ADAMTSL1: variants seen among roughly 807,000 people sequenced by gnomAD.
ADAMTSL1 encodes the protein ADAMTS like 1.
Under a neutral mutation model 201.8 loss-of-function variants are expected in ADAMTSL1, and 126 were observed. The observed-to-expected ratio is 0.62, with a 90% CI of 0.54 to 0.72. ADAMTSL1 has a LOEUF of 0.72. Ranked by LOEUF, ADAMTSL1 falls within the 30% of genes least tolerant of loss-of-function variation. The probability of loss-of-function intolerance (pLI) is 0.00; values close to 1 mark genes in which losing one functional copy is unlikely to be tolerated. For synonymous variants in ADAMTSL1, 1,121 were observed against 903.4 expected (o/e 1.24, Z -4.32); for missense variants, 2,679 against 2,277.8 (o/e 1.18, Z -3.59).
In ADAMTSL1 at chr9:18,677,712, G is replaced by A. The variant is rs78950815; in HGVS notation, c.1136+1805G>A. ...TTTCTCCAAATGCCTAAATCCCAAT[G>A]GTATATTAAAACGATCCTCCTGGGT... On this transcript the variant is annotated intron_variant, in intron 10 of 28. Transcript: ENST00000380548. 4.5e-3 allele frequency among the ~76,000 whole-genome samples: 680 copies of A among 152,008 alleles called. 7 individuals carry two copies. Among genetic ancestry groups the A allele is most frequent in the African/African-American group, 0.015 (631 of 41,490 alleles).
rs540376002 is a variant in ADAMTSL1, at chr9:18,491,098, C to T, written c.64-13731C>T. ...TAGCTCAAAGAATGCTGATAGCAGC[C>T]GTGTGTGAAATTGATTTCTGAGGCC... On this transcript the variant is annotated intron_variant, in intron 1 of 28. Transcript: ENST00000380548. Among the ~76,000 whole-genome samples, 97 of 152,112 alleles carry T rather than the reference C, an allele frequency of 6.4e-4. 2 individuals carry two copies. The Middle Eastern group carries it at 0.014, about 21-fold the overall frequency.
At chr9:18,449,705 A>G (rs1331189480) in intron 2 of ADAMTSL1, among the ~76,000 whole-genome samples, 1 of 152,232 alleles carries the variant, frequency 6.6e-6, no homozygotes, top group African/African-American at 2.4e-5. Flanking sequence ...CCCAATAAAA[A>G]TTAGACAGAA....
At chr9:18,762,145 T>C (rs1273187709) in intron 16 of ADAMTSL1, among the ~76,000 whole-genome samples, 1 of 152,196 alleles carries the variant, frequency 6.6e-6, no homozygotes, top group Non-Finnish European at 1.5e-5. Flanking sequence ...CTCTGGGGAA[T>C]ATAAAGATGA....
intron 23 of ADAMTSL1, among the ~76,000 whole-genome samples, chr9:18,834,532 A>G (rs1825193011): frequency 6.6e-6 from 1 of 152,164 alleles, no homozygotes. Context: ...TGATATATGT[A>G]TACACCTGTG....
At chr9:18,179,185 G>A (rs1828329328) in intron 2 of ADAMTSL1, among the ~76,000 whole-genome samples, 1 of 152,110 alleles carries the variant, frequency 6.6e-6, no homozygotes, top group Admixed American at 6.5e-5. Flanking sequence ...GCTTAAAGGA[G>A]CTGATGGAGC....
Position 18,391,170 on chromosome 9 carries a change from C to A in ADAMTSL1, c.208-113659C>A, listed in dbSNP as rs533408136. Among the ~76,000 whole-genome samples, 3 of 152,236 alleles carry A rather than the reference C, an allele frequency of 2.0e-5. No individual in the cohort carries two copies. In the South Asian group the frequency reaches 6.2e-4, roughly 32 times the overall value. ...CATTTATTTTGTTGGACCTAAAACA[C>A]TGGGGACACTTTTGATACCTAGACG... On this transcript the variant is annotated intron_variant, in intron 2 of 29. Transcript: ENST00000680146.
At chr9:18,402,502 T>A (rs1032807766) in intron 2 of ADAMTSL1, among the ~76,000 whole-genome samples, 6 of 152,166 alleles carry the variant, frequency 3.9e-5, no homozygotes, top group Admixed American at 3.3e-4. Context: ...TTCCTCTAAG[T>A]CTCTAATCTC....
chr9:18,270,483 C>G (rs987362373), intron 2 of ADAMTSL1, among the ~76,000 whole-genome samples: 2 of 152,134 alleles, frequency 1.3e-5, no homozygotes, highest in African/African-American at 4.8e-5. Context: ...TGCTGAGAAG[C>G]TGAATCTTTG....
chr9:18,790,232 T>C (rs924152963), intron 19 of ADAMTSL1, among the ~76,000 whole-genome samples: 13 of 152,340 alleles, frequency 8.5e-5, no homozygotes, highest in African/African-American at 2.6e-4. Flanking sequence ...CCTCAATTTA[T>C]AGAAGAAACT....
intron 2 of ADAMTSL1, among the ~76,000 whole-genome samples, chr9:18,266,787 C>T (rs1207892395): frequency 6.6e-6 from 1 of 152,128 alleles, no homozygotes; most frequent in Non-Finnish European, 1.5e-5. Flanking sequence ...TCATTTCTCA[C>T]ATTGACGGTT....
intron 2 of ADAMTSL1, among the ~76,000 whole-genome samples, chr9:18,387,762 G>A (rs1245896464): frequency 6.6e-6 from 1 of 151,898 alleles, no homozygotes; most frequent in African/African-American, 2.4e-5. Context: ...GTAACTGTAG[G>A]CTTGAAAAAG....
chr9:18,257,231 C>G (rs554883238), intron 2 of ADAMTSL1, among the ~76,000 whole-genome samples: 15 of 152,104 alleles, frequency 9.9e-5, no homozygotes, highest in Non-Finnish European at 1.9e-4. Flanking sequence ...TTTTTAAAAA[C>G]AAAAAGTTAT....
At chr9:18,888,974 A>G (rs2131545250) in intron 24 of ADAMTSL1, among the ~76,000 whole-genome samples, 1 of 152,324 alleles carries the variant, frequency 6.6e-6, no homozygotes, top group East Asian at 1.9e-4. Flanking sequence ...GTAATATGCA[A>G]CTTTGCAAAT....
chr9:17,998,540 G>C (rs1322501657), intron 1 of ADAMTSL1, among the ~76,000 whole-genome samples: 2 of 151,892 alleles, frequency 1.3e-5, no homozygotes, highest in Non-Finnish European at 2.9e-5. Context: ...AGAGAAGGAA[G>C]TCTATAGGCT....
intron 2 of ADAMTSL1, among the ~76,000 whole-genome samples, chr9:18,434,690 A>C (rs538122533): frequency 4.5e-4 from 69 of 152,270 alleles, no homozygotes; most frequent in African/African-American, 1.6e-3. Context: ...GCAGTTGGTT[A>C]ATGTCACTCC....
At chr9:18,410,846 C>T (rs67535447) in intron 2 of ADAMTSL1, among the ~76,000 whole-genome samples, 11,641 of 47,294 alleles carry the variant, frequency 0.25, 884 homozygotes, top group African/African-American at 0.44. Context: ...TCTTCTTCTT[C>T]TTTTTTTTTT....
chr9:18,018,677 A>G (rs975727605), intron 1 of ADAMTSL1, among the ~76,000 whole-genome samples: 16 of 151,972 alleles, frequency 1.1e-4, no homozygotes, highest in African/African-American at 1.2e-4. Context: ...CCTCAACCCA[A>G]TTGAGTCTTC....
intron 1 of ADAMTSL1, among the ~76,000 whole-genome samples, chr9:17,972,226 C>A (rs7469107): frequency 0.8 from 106,159 of 132,756 alleles, 42,906 homozygotes; most frequent in East Asian, 0.92. Context: ...GGTTTGTTAC[C>A]TATGCATACA....
intron 1 of ADAMTSL1, among the ~76,000 whole-genome samples, chr9:18,101,212 T>C (rs1406776007): frequency 1.3e-5 from 2 of 152,152 alleles, no homozygotes; most frequent in African/African-American, 2.4e-5. Context: ...AAACGGATTA[T>C]GTAGGCTGGA....
Sources: allele counts gnomAD v4.1 joint callset (sites outside exome capture counted in the v4.1 genomes callset), GRCh38; gene constraint gnomAD v4.1.1; transcripts MANE v1.5; gene names NCBI Gene and HGNC (gene_info 2026-07-23, HGNC 2026-07-21).